The following PDE4B variants were observed in gnomAD, a reference collection of about 807,000 sequenced individuals.
PDE4B encodes phosphodiesterase 4B.
Under a neutral mutation model 82.2 loss-of-function variants are expected in PDE4B, and 20 were observed. The ratio of observed to expected loss-of-function variants is 0.24; its 90% CI spans 0.17 to 0.35. The LOEUF is 0.35. PDE4B is among the 10% of genes least tolerant of loss of function. The pLI, the probability that PDE4B is intolerant of heterozygous loss-of-function variation, is 1.00. For synonymous variants in PDE4B, 320 were observed against 318.9 expected, an observed-to-expected ratio of 1.00 and a Z score of -0.04; for missense variants, 655 against 907.2, an observed-to-expected ratio of 0.72 and a Z score of 3.57.
At chr1:66,114,487 G>A (rs953254436) in intron 3 of PDE4B, among the ~76,000 whole-genome samples, 1 of 151,984 alleles carries the variant, frequency 6.6e-6, no homozygotes, top group African/African-American at 2.4e-5. Context: ...TCTTAGTTCA[G>A]AATTTTATTA....
chr1:65,861,582 A>G (rs1275051132), intron 1 of PDE4B, among the ~76,000 whole-genome samples: 2 of 152,200 alleles, frequency 1.3e-5, no homozygotes, highest in East Asian at 1.9e-4. Context: ...TAATTCTGCA[A>G]TGAAGGTCAA....
intron 3 of PDE4B, among the ~76,000 whole-genome samples, chr1:66,199,130 A>C (rs11208818): frequency 0.24 from 35,999 of 151,438 alleles, 4,405 homozygotes; most frequent in East Asian, 0.3. Flanking sequence ...ATACCCAGTA[A>C]TGGGATGGCT....
chr1:65,998,060 T>C (rs966975599), intron 3 of PDE4B, among the ~76,000 whole-genome samples: 2 of 152,164 alleles, frequency 1.3e-5, no homozygotes, highest in African/African-American at 4.8e-5. Context: ...ATAACAATAA[T>C]AGCTCTAATA....
At chr1:66,285,035 C>G (rs1436468232) in intron 7 of PDE4B, among the ~76,000 whole-genome samples, 1 of 152,146 alleles carries the variant, frequency 6.6e-6, no homozygotes, top group Non-Finnish European at 1.5e-5. Flanking sequence ...ATAATCATTT[C>G]TGAGCTTTAG....
At chr1:66,340,739 T>C (rs1660916164) in intron 8 of PDE4B, among the ~76,000 whole-genome samples, 1 of 152,184 alleles carries the variant, frequency 6.6e-6, no homozygotes, top group Non-Finnish European at 1.5e-5. Flanking sequence ...TAAAAATGAC[T>C]AAGCCAATTT....
At chr1:66,371,090 C>A (rs1484086918) in intron 16 of PDE4B, among the ~76,000 whole-genome samples, 14 of 71,584 alleles carry the variant, frequency 2.0e-4, no homozygotes, top group Admixed American at 7.7e-4. Flanking sequence ...ACACACACAT[C>A]ATACTATATA....
intron 3 of PDE4B, among the ~76,000 whole-genome samples, chr1:66,241,602 T>C (rs1026184379): frequency 6.6e-6 from 1 of 152,162 alleles, no homozygotes; most frequent in East Asian, 1.9e-4. Flanking sequence ...GCCTTCCAGA[T>C]GCAAGTGATT....
intron 3 of PDE4B, among the ~76,000 whole-genome samples, chr1:65,945,929 T>TA (rs1454816952): frequency 1.3e-5 from 2 of 152,044 alleles, no homozygotes; most frequent in African/African-American, 4.8e-5. Flanking sequence ...TTCAAGGCTG[T>TA]AACCAGTCAG....
chr1:66,295,580 C>A (rs1329069615), intron 7 of PDE4B, among the ~76,000 whole-genome samples: 2 of 152,076 alleles, frequency 1.3e-5, no homozygotes, highest in African/African-American at 4.8e-5. Flanking sequence ...AGGTGCATAC[C>A]ACCATGCCTG....
chr1:66,287,368 A>C (rs1355889430), intron 7 of PDE4B, among the ~76,000 whole-genome samples: 1 of 152,198 alleles, frequency 6.6e-6, no homozygotes, highest in East Asian at 1.9e-4. Flanking sequence ...CTGTTTAAAC[A>C]CTGCGTATCT....
chr1:66,342,665 A>C (rs1661086318), intron 8 of PDE4B, among the ~76,000 whole-genome samples: 1 of 151,478 alleles, frequency 6.6e-6, no homozygotes, highest in Non-Finnish European at 1.5e-5. Context: ...CAGGAGGTAG[A>C]GGGCAGTGAG....
At chr1:66,182,261 T>G (rs1435554127) in intron 3 of PDE4B, among the ~76,000 whole-genome samples, 6 of 152,198 alleles carry the variant, frequency 3.9e-5, no homozygotes, top group Admixed American at 3.9e-4. Context: ...TGTACCTATT[T>G]TTTTCTGAAC....
intron 1 of PDE4B, among the ~76,000 whole-genome samples, chr1:65,821,110 G>T (rs949740975): frequency 6.6e-6 from 1 of 152,186 alleles, no homozygotes; most frequent in South Asian, 2.1e-4. Flanking sequence ...TGAGTACATT[G>T]CATGAGACAG....
chr1:66,042,361 T>C (rs981558614), intron 3 of PDE4B: 2 of 151,850 alleles, frequency 1.3e-5, no homozygotes, highest in African/African-American at 4.8e-5. Context: ...GAAGTGTTTA[T>C]TTACCTGAAG....
In PDE4B at chr1:66,130,965, T is replaced by C. The variant is rs534403751; in HGVS notation, c.282-116495T>C. Among the ~76,000 whole-genome samples, 4 of 152,316 alleles carry C rather than the reference T, an allele frequency of 2.6e-5. No homozygotes were observed. The South Asian group carries it at 8.3e-4, about 32-fold the overall frequency. ...AGTTTTATTATTTCACCCAAGCCCA[T>C]GTAGGCAATATGTGGTGGGATTAGG... On this transcript the variant is annotated intron_variant, in intron 3 of 16. Transcript: ENST00000341517.
chr1:66,006,136 C>T (rs1259289597), intron 3 of PDE4B, among the ~76,000 whole-genome samples: 3 of 152,196 alleles, frequency 2.0e-5, no homozygotes, highest in Admixed American at 6.5e-5. Context: ...TTTATATGAA[C>T]CCTAAAAATG....
At chr1:66,195,910 A>C (rs1648259677) in intron 3 of PDE4B, among the ~76,000 whole-genome samples, 1 of 152,238 alleles carries the variant, frequency 6.6e-6, no homozygotes, top group East Asian at 1.9e-4. Context: ...ATAATGACAC[A>C]AAGCTATAAA....
At chr1:65,819,437 A>G (rs1645924938) in intron 1 of PDE4B, among the ~76,000 whole-genome samples, 1 of 151,520 alleles carries the variant, frequency 6.6e-6, no homozygotes, top group Non-Finnish European at 1.5e-5. Flanking sequence ...TTTGCTATTT[A>G]TATAACTTGG....
At chr1:66,287,805 A>T (rs1484518472) in intron 7 of PDE4B, among the ~76,000 whole-genome samples, 1 of 151,966 alleles carries the variant, frequency 6.6e-6, no homozygotes, top group African/African-American at 2.4e-5. Context: ...TTATACCTAC[A>T]AAACAAAACT....
Sources: allele counts gnomAD v4.1 joint callset (sites outside exome capture counted in the v4.1 genomes callset), GRCh38; gene constraint gnomAD v4.1.1; transcripts MANE v1.5; gene names NCBI Gene and HGNC (gene_info 2026-07-23, HGNC 2026-07-21).